The following SGCZ variants were observed in gnomAD, a reference collection of about 807,000 sequenced individuals.
SGCZ encodes zeta-sarcoglycan.
A neutral mutation model predicts 41.3 loss-of-function variants in SGCZ; 40 were observed. The observed-to-expected ratio is 0.97, with a 90% CI of 0.75 to 1.26. The LOEUF (loss-of-function observed/expected upper bound fraction) is 1.26, where lower values mean the gene tolerates loss of function less well. Among genes scored for constraint, SGCZ ranks in the 50% most tolerant of loss-of-function variants. The probability of loss-of-function intolerance (pLI) is 0.00; values close to 1 mark genes in which losing one functional copy is unlikely to be tolerated. For missense variants in SGCZ, 552 were observed against 369.8 expected, an observed-to-expected ratio of 1.49 and a Z score of -4.04; for synonymous variants, 206 against 137.5, an observed-to-expected ratio of 1.50 and a Z score of -3.49.
At chr8:14,093,140 AG>A (rs1801740055) in intron 7 of SGCZ, among the ~76,000 whole-genome samples, 1 of 152,078 alleles carries the variant, frequency 6.6e-6, no homozygotes. Flanking sequence ...GATTGTCTGA[AG>A]GGTATCCCTA....
chr8:14,693,167 T>G (rs1377570177), intron 1 of SGCZ, among the ~76,000 whole-genome samples: 1 of 152,210 alleles, frequency 6.6e-6, no homozygotes, highest in East Asian at 1.9e-4. Context: ...GCATAAATAT[T>G]CTAATGCTAA....
intron 1 of SGCZ, among the ~76,000 whole-genome samples, chr8:14,837,857 A>C (rs1802754759): frequency 6.6e-6 from 1 of 152,178 alleles, no homozygotes; most frequent in Admixed American, 6.6e-5. Flanking sequence ...TACAATGTAT[A>C]ATAATCAAAT....
chr8:14,633,448 C>T (rs971067762), intron 1 of SGCZ, among the ~76,000 whole-genome samples: 1 of 151,906 alleles, frequency 6.6e-6, no homozygotes, highest in Non-Finnish European at 1.5e-5. Context: ...ATATAACAAG[C>T]ATGAAATAAG....
intron 2 of SGCZ, among the ~76,000 whole-genome samples, chr8:14,522,876 A>G (rs546903521): frequency 3.3e-5 from 5 of 151,778 alleles, no homozygotes; most frequent in East Asian, 3.9e-4. Context: ...TTTCTTCTCA[A>G]TATTATTTTA....
intron 2 of SGCZ, among the ~76,000 whole-genome samples, chr8:14,330,274 T>A (rs1385006551): frequency 6.6e-6 from 1 of 152,096 alleles, no homozygotes; most frequent in Non-Finnish European, 1.5e-5. Context: ...GGATATGAAG[T>A]ATGTGGTTAG....
intron 1 of SGCZ, among the ~76,000 whole-genome samples, chr8:14,809,004 C>G (rs1395693245): frequency 6.6e-6 from 1 of 151,004 alleles, no homozygotes; most frequent in East Asian, 2.0e-4. Flanking sequence ...ACCGCATATT[C>G]TCACTCATAG....
chr8:14,635,646 A>G (rs1375156260), intron 1 of SGCZ, among the ~76,000 whole-genome samples: 1 of 151,794 alleles, frequency 6.6e-6, no homozygotes, highest in South Asian at 2.1e-4. Flanking sequence ...ATTAATCCTC[A>G]GTTTGTCCAA....
At chr8:14,774,478 T>G (rs559202698) in intron 1 of SGCZ, among the ~76,000 whole-genome samples, 24 of 152,346 alleles carry the variant, frequency 1.6e-4, no homozygotes, top group Non-Finnish European at 3.1e-4. Context: ...CCCTACCAGA[T>G]AGTAAATCCA....
At chr8:14,149,836 C>G (rs1457649470) in intron 5 of SGCZ, among the ~76,000 whole-genome samples, 1 of 152,008 alleles carries the variant, frequency 6.6e-6, no homozygotes, top group East Asian at 1.9e-4. Context: ...GACACATAGA[C>G]AAATAAAACA....
intron 1 of SGCZ, among the ~76,000 whole-genome samples, chr8:15,108,649 A>T (rs2083906164): frequency 2.0e-5 from 3 of 152,186 alleles, no homozygotes; most frequent in Admixed American, 2.0e-4. Flanking sequence ...AGAGCTACGC[A>T]TATGGTGTGT....
intron 1 of SGCZ, among the ~76,000 whole-genome samples, chr8:14,930,283 G>A (rs1336446399): frequency 6.6e-6 from 1 of 151,988 alleles, no homozygotes; most frequent in Non-Finnish European, 1.5e-5. Context: ...AAACCACAAT[G>A]AGATACTATC....
rs543061123 is a variant in SGCZ, at chr8:14,180,872, G to A, written c.425-16170C>T. ...TGAGCTGGACAGTGCCCCCATACTA[G>A]ATTGGTTTTACGGCAGTGGGGAGTG... is the stretch of plus-strand genomic sequence containing the variant. On this transcript the variant is annotated intron_variant, in intron 4 of 7. Transcript: ENST00000382080. Among the ~76,000 whole-genome samples the A allele has an allele frequency of 4.6e-5, 7 of 151,866 alleles. No homozygotes were observed. The East Asian group carries it at 1.4e-3, about 29-fold the overall frequency.
At chr8:14,809,319 A>T (rs955089786) in intron 1 of SGCZ, among the ~76,000 whole-genome samples, 2 of 152,194 alleles carry the variant, frequency 1.3e-5, no homozygotes, top group Non-Finnish European at 2.9e-5. Flanking sequence ...CATCATGAAT[A>T]TAAGATATGC....
At chr8:15,118,447 C>A (rs1279009341) in intron 1 of SGCZ, among the ~76,000 whole-genome samples, 1 of 152,048 alleles carries the variant, frequency 6.6e-6, no homozygotes, top group Non-Finnish European at 1.5e-5. Context: ...CCCAGAACTG[C>A]CTACTAAGCT....
At chr8:14,342,010 G>A (rs1802728518) in intron 2 of SGCZ, among the ~76,000 whole-genome samples, 1 of 152,194 alleles carries the variant, frequency 6.6e-6, no homozygotes, top group Non-Finnish European at 1.5e-5. Context: ...AGTGACTTTG[G>A]AACTGGGTAA....
rs145010793 is a variant in SGCZ at position 14,919,646 on chromosome 8, G to T, written c.39+317939C>A. Among the ~76,000 whole-genome samples the T allele has an allele frequency of 1.5e-4, 23 of 152,190 alleles. No individual in the cohort carries two copies. The East Asian group carries it at 3.5e-3, about 23-fold the overall frequency. ...ATCTATTAAAAATCAAGCTGGGTGC[G>T]ATGGCTCACGCCTGTAACCTCAGCA... On this transcript the variant is annotated intron_variant, in intron 1 of 7. Coordinates refer to ENST00000382080, the MANE Select transcript of SGCZ (RefSeq NM_139167.4).
At chr8:14,181,687 T>C (rs1804731832) in intron 4 of SGCZ, among the ~76,000 whole-genome samples, 1 of 152,204 alleles carries the variant, frequency 6.6e-6, no homozygotes, top group Non-Finnish European at 1.5e-5. Context: ...GGAGTTCCTC[T>C]GCACAAGCGC....
At chr8:14,865,856 C>T (rs559866655) in intron 1 of SGCZ, among the ~76,000 whole-genome samples, 2 of 152,158 alleles carry the variant, frequency 1.3e-5, no homozygotes, top group East Asian at 3.9e-4. Context: ...AGCAAATAAT[C>T]AACCCTTAAT....
chr8:14,431,896 G>C (rs771672629), intron 2 of SGCZ, among the ~76,000 whole-genome samples: 2 of 152,020 alleles, frequency 1.3e-5, no homozygotes, highest in Non-Finnish European at 2.9e-5. Flanking sequence ...CTTAAAAGAA[G>C]ATACACCAAT....
Sources: allele counts gnomAD v4.1 joint callset (sites outside exome capture counted in the v4.1 genomes callset), GRCh38; gene constraint gnomAD v4.1.1; transcripts MANE v1.5; gene names NCBI Gene and HGNC (gene_info 2026-07-23, HGNC 2026-07-21).